CEP295: variants seen among roughly 807,000 people sequenced by gnomAD.
CEP295 encodes centrosomal protein 295, also known as centrosomal protein of 295 kDa.
CEP295 carries 190 observed loss-of-function variants against 291.6 expected under a neutral mutation model. That is an observed-to-expected ratio of 0.65 (90% CI 0.58 to 0.73). The LOEUF is 0.73. Ranked by LOEUF, CEP295 falls within the 30% of genes least tolerant of loss-of-function variation. CEP295 has a pLI of 0.00. For missense variants in CEP295, 2,863 were observed against 2,949.4 expected (o/e 0.97, Z 0.68); for synonymous variants, 993 against 1,038.8 (o/e 0.96, Z 0.85).
intron 28 of CEP295, 31 bp from the exon 29 acceptor site, chr11:93,730,018 T>C (rs763100715): frequency 7.3e-6 from 11 of 1,515,782 alleles, no homozygotes; most frequent in South Asian, 6.4e-5. Flanking sequence ...TTTGCAGTGT[T>C]TGTCTCTAAT....
intron 7 of CEP295, among the ~76,000 whole-genome samples, chr11:93,681,216 C>CG (rs1215955106): frequency 1.3e-5 from 2 of 149,750 alleles, no homozygotes; most frequent in African/African-American, 2.4e-5. Flanking sequence ...GTTAACCTCT[C>CG]TAAGTTCTGT....
At chr11:93,726,495 G>C (rs914924037) in intron 23 of CEP295, among the ~76,000 whole-genome samples, 1 of 152,226 alleles carries the variant, frequency 6.6e-6, no homozygotes, top group Non-Finnish European at 1.5e-5. Context: ...AGCACTTTGG[G>C]AAGCTGCGGC....
At position 93,730,226 on chromosome 11, in the gene CEP295, C is replaced by T. The variant is rs1938258512; in HGVS notation, c.7768-5C>T. ...CTGAAACTCAAATTTTTATTCCTTC[C>T]ACAGAAAACACTAGAGAAACTTCGA... is the stretch of plus-strand genomic sequence containing the variant. On this transcript the variant is annotated splice_region_variant and splice_polypyrimidine_tract_variant and intron_variant, in intron 29 of 29. Coordinates refer to ENST00000325212, the MANE Select transcript of CEP295 (RefSeq NM_033395.2). The T allele has an allele frequency of 6.4e-7, 1 of 1,551,100 alleles. No homozygotes were observed. The highest frequency in any genetic ancestry group is 8.7e-7 in the Non-Finnish European group (1 of 1,146,804).
intron 9 of CEP295, among the ~76,000 whole-genome samples, chr11:93,685,483 C>G (rs1951185064): frequency 6.6e-6 from 1 of 152,178 alleles, no homozygotes; most frequent in African/African-American, 2.4e-5. Context: ...ATTCATGTCT[C>G]CTATGCCTAC....
intron 12 of CEP295, among the ~76,000 whole-genome samples, chr11:93,693,148 G>T (rs934863802): frequency 1.3e-5 from 2 of 151,536 alleles, no homozygotes; most frequent in Non-Finnish European, 2.9e-5. Flanking sequence ...ATGGTGGCGG[G>T]CGCCTGTAGT....
chr11:93,725,856 G>A (rs765837237), intron 23 of CEP295, 25 bp downstream of exon 23: 8 of 1,537,198 alleles, frequency 5.2e-6, no homozygotes, highest in Middle Eastern at 1.7e-4. Flanking sequence ...GTTAGAAAAA[G>A]TTAATTTTTC....
chr11:93,669,869 G>A, intron 5 of CEP295, 99 bp downstream of exon 5: 1 of 725,266 alleles, frequency 1.4e-6, no homozygotes, highest in Admixed American at 2.8e-5. Context: ...AATTGTACAA[G>A]TTTTCTTGTA....
chr11:93,694,979 G>A (rs531649092), intron 12 of CEP295, among the ~76,000 whole-genome samples: 119 of 152,276 alleles, frequency 7.8e-4, no homozygotes, highest in African/African-American at 2.6e-3. Flanking sequence ...TAGAGTTTAT[G>A]TGTTATCTTT....
intron 20 of CEP295, among the ~76,000 whole-genome samples, chr11:93,722,296 A>G (rs1315658551): frequency 1.3e-5 from 2 of 152,038 alleles, no homozygotes; most frequent in Non-Finnish European, 2.9e-5. Context: ...CCCTATCTCT[A>G]CAAAAAAATA....
intron 5 of CEP295, among the ~76,000 whole-genome samples, chr11:93,672,541 G>A (rs527308169): frequency 3.3e-5 from 5 of 152,018 alleles, no homozygotes; most frequent in Admixed American, 6.6e-5. Context: ...TCCTGCTTCC[G>A]CTTCCTGAGT....
At chr11:93,676,006 A>T (rs970774722) in intron 6 of CEP295, among the ~76,000 whole-genome samples, 1 of 152,092 alleles carries the variant, frequency 6.6e-6, no homozygotes, top group African/African-American at 2.4e-5. Context: ...CCAAAGTGGA[A>T]TATAGTTAAT....
At chr11:93,679,647 G>T in intron 7 of CEP295, 95 bp downstream of exon 7, 1 of 1,062,242 alleles carries the variant, frequency 9.4e-7, no homozygotes, top group Non-Finnish European at 1.3e-6. Context: ...AGGTAGGAAG[G>T]GTGGGTGTTC....
chr11:93,707,794 T>G (rs928751158), intron 18 of CEP295, among the ~76,000 whole-genome samples: 3 of 152,150 alleles, frequency 2.0e-5, no homozygotes, highest in Non-Finnish European at 2.9e-5. Flanking sequence ...ATAGCCAGAT[T>G]TATTTTTATT....
Position 93,672,614 on chromosome 11 carries a change from A to C in CEP295, c.528+2844A>C, listed in dbSNP as rs1026358767. On this transcript the variant is annotated intron_variant, in intron 5 of 29. Coordinates refer to ENST00000325212, the MANE Select transcript of CEP295 (RefSeq NM_033395.2). The stretch of plus-strand genomic sequence containing the variant: ...TTTTTTTCTTCTTTTCCATTGCTGC[A>C]TGAGCCAGTGTCAGGTACTCCAGAG... Among the ~76,000 whole-genome samples the C allele has an allele frequency of 5.9e-5, 9 of 152,136 alleles. No homozygotes were observed. The East Asian group carries it at 1.5e-3, about 26-fold the overall frequency.
In CEP295 at chr11:93,667,676, T is replaced by C. The variant is rs1950253027; in HGVS notation, c.178T>C (p.Phe60Leu). The C allele has an allele frequency of 1.9e-6, 3 of 1,551,428 alleles. No homozygotes were observed. In the East Asian group the frequency reaches 7.3e-5, roughly 38 times the overall value. Residue 60 changes from phenylalanine to leucine, a missense_variant, in exon 3 of 30, where the codon TTT becomes CTT. By Grantham distance (22) the Phe-to-Leu change is conservative. This residue lies in a region of CEP295 where 554 missense variants were observed against 576.0 expected (regional missense o/e 0.96). Transcript: ENST00000325212. ...EDIKQRRNQQ[F>L]TRLAEELRAE... Reference sequence around the variant, plus strand: ...CATAAAACAGAGGAGAAATCAACAATTTACACGTTTGGCAGAGGAGCTAAG... The same window carrying C: ...CATAAAACAGAGGAGAAATCAACAACTTACACGTTTGGCAGAGGAGCTAAG...
chr11:93,728,939 G>A (rs941805243), intron 25 of CEP295, 118 bp downstream of exon 25: 28 of 778,936 alleles, frequency 3.6e-5, no homozygotes, highest in Admixed American at 9.7e-5. Flanking sequence ...TAACTAAGCC[G>A]ACACCCCCAC....
chr11:93,702,140 G>A (rs1952205767), intron 15 of CEP295, among the ~76,000 whole-genome samples: 1 of 151,940 alleles, frequency 6.6e-6, no homozygotes, highest in African/African-American at 2.4e-5. Flanking sequence ...TGTATTTTTA[G>A]TAGAGACGGG....
intron 5 of CEP295, among the ~76,000 whole-genome samples, chr11:93,670,377 G>T (rs1386329552): frequency 1.9e-5 from 2 of 106,926 alleles, no homozygotes; most frequent in East Asian, 5.7e-4. Context: ...GTGCTTTTGT[G>T]ATTTGAAGCT....
chr11:93,668,002 C>G, intron 3 of CEP295, among the ~76,000 whole-genome samples, 195 bp downstream of exon 3: 1 of 3,988 alleles, frequency 2.5e-4, no homozygotes, highest in East Asian at 0.028. Context: ...AAGTAAAATC[C>G]ATGTCAAATA....
Sources: allele counts gnomAD v4.1 joint callset (sites outside exome capture counted in the v4.1 genomes callset), GRCh38; gene constraint gnomAD v4.1.1; regional missense constraint gnomAD v4.1.1; transcripts MANE v1.5; gene names NCBI Gene and HGNC (gene_info 2026-07-23, HGNC 2026-07-21).